The following BCAS3 variants were observed in gnomAD, a reference collection of about 807,000 sequenced individuals.
The protein encoded by BCAS3 is BCAS4/BCAS3 fusion.
In BCAS3, 53 loss-of-function variants were observed where a neutral mutation model predicts 116.1. The ratio of observed to expected loss-of-function variants is 0.46; its 90% CI spans 0.37 to 0.57. BCAS3 has a LOEUF of 0.57. Among genes scored for constraint, BCAS3 ranks in the 20% least tolerant of loss-of-function variants. The pLI is 0.00. For missense variants in BCAS3, 917 were observed against 1,165.4 expected (o/e 0.79, Z 3.10); for synonymous variants, 391 against 408.2 (o/e 0.96, Z 0.51).
In BCAS3 at chr17:61,244,055, G is replaced by A. The variant is rs537476641; in HGVS notation, c.2426-124272G>A. On this transcript the variant is annotated intron_variant, in intron 22 of 23. Coordinates refer to ENST00000407086, the MANE Select transcript of BCAS3 (RefSeq NM_017679.5). This position sits in a 1 kb window ranked among gnomAD's most constrained non-coding sequence, Gnocchi z 4.9. The stretch of plus-strand genomic sequence containing the variant: ...ATTCTCCCTGTCTCAGCCTCCCAAA[G>A]GGATGAGTTTTAATATGCTAATTAC... 3.3e-5 allele frequency among the ~76,000 whole-genome samples: 5 copies of A among 151,988 alleles called. No individual in the cohort carries two copies. Among genetic ancestry groups the A allele is most frequent in the Non-Finnish European group, 7.4e-5 (5 of 68,012 alleles).
intron 11 of BCAS3, among the ~76,000 whole-genome samples, chr17:60,909,733 A>G (rs909449490): frequency 6.6e-6 from 1 of 152,156 alleles, no homozygotes; most frequent in Non-Finnish European, 1.5e-5. Context: ...TGTTTCTATT[A>G]ATGCATATGA....
At position 61,298,685 on chromosome 17, in the gene BCAS3, C is replaced by G. The variant is rs73328877; in HGVS notation, c.2426-69642C>G. Among the ~76,000 whole-genome samples, 1,096 of 152,286 alleles carry G rather than the reference C, an allele frequency of 7.2e-3. 16 individuals carry two copies. Among genetic ancestry groups the G allele is most frequent in the African/African-American group, 0.025 (1,030 of 41,564 alleles). On this transcript the variant is annotated intron_variant, in intron 22 of 23. Transcript: ENST00000407086. ...AGCCCCCAAAGGGGACGTCCCACAC[C>G]CTGCATCCTCCACCTTTTCAGTCAT...
intron 22 of BCAS3, among the ~76,000 whole-genome samples, chr17:61,329,251 C>G (rs975899258): frequency 6.6e-6 from 1 of 151,902 alleles, no homozygotes; most frequent in Non-Finnish European, 1.5e-5. Flanking sequence ...CCAAATGTGC[C>G]CCACCGCCAA....
intron 12 of BCAS3, among the ~76,000 whole-genome samples, chr17:60,922,240 C>A (rs1440580512): frequency 6.6e-6 from 1 of 152,102 alleles, no homozygotes; most frequent in African/African-American, 2.4e-5. Flanking sequence ...AATTCTCCTG[C>A]CTCAGCCTCC....
At position 61,095,471 on chromosome 17, in the gene BCAS3, CGTTT is replaced by C. The variant is rs1013418770; in HGVS notation, c.2425+10916_2425+10919del. 9.9e-5 allele frequency among the ~76,000 whole-genome samples: 15 copies of C among 151,394 alleles called. No individual in the cohort carries two copies. The highest frequency in any genetic ancestry group is 1.6e-4 in the Non-Finnish European group (11 of 67,804). On this transcript the variant is annotated intron_variant, in intron 22 of 23. Coordinates refer to ENST00000407086, the MANE Select transcript of BCAS3 (RefSeq NM_017679.5). This position sits in a 1 kb window ranked among gnomAD's most constrained non-coding sequence, Gnocchi z 4.7. Reference sequence around the variant, plus strand: ...GTCCTGGGTTTTTTGTTGTTGTTGTCGTTTGTTTGTTTTTTTGAGACAACCTCAC... The same window carrying C: ...GTCCTGGGTTTTTTGTTGTTGTTGTCGTTTGTTTTTTTGAGACAACCTCAC...
intron 22 of BCAS3, among the ~76,000 whole-genome samples, chr17:61,191,415 A>G (rs2144227100): frequency 6.6e-6 from 1 of 152,252 alleles, no homozygotes; most frequent in East Asian, 1.9e-4. Context: ...ATAACTTTAC[A>G]AAACAAGAAA....
In BCAS3 at chr17:61,051,406, A is replaced by G. The variant is rs1027811747; in HGVS notation, c.2029+10514A>G. On this transcript the variant is annotated intron_variant, in intron 19 of 23. Coordinates refer to ENST00000407086, the MANE Select transcript of BCAS3 (RefSeq NM_017679.5). The surrounding 1 kb of genome is among the most constrained non-coding windows in gnomAD (Gnocchi z 4.1). The stretch of plus-strand genomic sequence containing the variant: ...GAGGTTACACCAATTTACACATGTG[A>G]TAAAATTGAATAGACCCTCACACAC... Among the ~76,000 whole-genome samples the G allele has an allele frequency of 3.3e-5, 5 of 149,700 alleles. No homozygotes were observed. Among genetic ancestry groups the G allele is most frequent in the Admixed American group, 6.6e-5 (1 of 15,098 alleles).
rs926269377 is a variant in BCAS3, at chr17:61,073,431, G to C, written c.2030-1489G>C. Among the ~76,000 whole-genome samples the C allele has an allele frequency of 1.3e-5, 2 of 152,096 alleles. No homozygotes were observed. The highest frequency in any genetic ancestry group is 2.9e-5 in the Non-Finnish European group (2 of 68,022). On this transcript the variant is annotated intron_variant, in intron 19 of 23. Transcript: ENST00000407086. This position sits in a 1 kb window ranked among gnomAD's most constrained non-coding sequence, Gnocchi z 4.6. Reference sequence around the variant, plus strand: ...AAAATCTTGCCCTAGGTTATGCTTTGTCTACTTTATTTGTATCTGTTTCAC... The same window carrying C: ...AAAATCTTGCCCTAGGTTATGCTTTCTCTACTTTATTTGTATCTGTTTCAC...
chr17:60,764,951 T>C (rs1473675056), intron 6 of BCAS3, among the ~76,000 whole-genome samples: 1 of 127,242 alleles, frequency 7.9e-6, no homozygotes, highest in Non-Finnish European at 1.5e-5. Flanking sequence ...CATTAAGTAA[T>C]GGCCTTGTCT....
At chr17:60,701,661 A>C (rs2036407061) in intron 4 of BCAS3, among the ~76,000 whole-genome samples, 1 of 152,224 alleles carries the variant, frequency 6.6e-6, no homozygotes, top group East Asian at 1.9e-4. Flanking sequence ...ATTTACTATA[A>C]AATATACACA....
At chr17:60,868,728 C>A in intron 8 of BCAS3, 45 bp downstream of exon 8, 1 of 1,213,762 alleles carries the variant, frequency 8.2e-7, no homozygotes, top group Non-Finnish European at 1.2e-6. Flanking sequence ...AAGAAACATG[C>A]TCTCCTGGGC....
At position 61,007,169 on chromosome 17, in the gene BCAS3, A is replaced by AGCTAG. The variant is rs2145499206; in HGVS notation, c.1487-8581_1487-8577dup. 6.6e-6 allele frequency among the ~76,000 whole-genome samples: 1 copy of AGCTAG among 152,146 alleles called. No homozygotes were observed. Among genetic ancestry groups the AGCTAG allele is most frequent in the Admixed American group, 6.6e-5 (1 of 15,256 alleles). The stretch of plus-strand genomic sequence containing the variant: ...TTTATATTTCAGTAGAATTCCTCAC[A>AGCTAG]GCTAGTTCTATTATTTTTCCCTTTG... On this transcript the variant is annotated intron_variant, in intron 15 of 23. Transcript: ENST00000407086. This position sits in a 1 kb window ranked among gnomAD's most constrained non-coding sequence, Gnocchi z 4.3.
chr17:60,835,667 A>G (rs965134609), intron 7 of BCAS3, among the ~76,000 whole-genome samples: 2 of 152,112 alleles, frequency 1.3e-5, no homozygotes, highest in Non-Finnish European at 2.9e-5. Flanking sequence ...TAAAAGAAAG[A>G]AAGAGAGGCT....
chr17:60,721,728 G>A (rs2039258107), intron 5 of BCAS3, among the ~76,000 whole-genome samples: 2 of 151,924 alleles, frequency 1.3e-5, no homozygotes, highest in African/African-American at 2.4e-5. Flanking sequence ...ACAGTAAAAT[G>A]CACAAATCTG....
rs958990057 is a variant in BCAS3, at chr17:61,189,730, G to C, written c.2425+105166G>C. ...GGGGAAGAGTTTAATATAAATCCCA[G>C]GTTTCTGTCTATGCTAATTAAGTGG... On this transcript the variant is annotated intron_variant, in intron 22 of 23. Coordinates refer to ENST00000407086, the MANE Select transcript of BCAS3 (RefSeq NM_017679.5). The surrounding 1 kb of genome is among the most constrained non-coding windows in gnomAD (Gnocchi z 4.5). Among the ~76,000 whole-genome samples, 13 of 152,176 alleles carry C rather than the reference G, an allele frequency of 8.5e-5. No individual in the cohort carries two copies. The highest frequency in any genetic ancestry group is 3.1e-4 in the African/African-American group (13 of 41,450).
At chr17:61,270,112 ATTT>A (rs1202865412) in intron 22 of BCAS3, among the ~76,000 whole-genome samples, 3,781 of 68,412 alleles carry the variant, frequency 0.055, 36 homozygotes, top group African/African-American at 0.077. Context: ...GCCTTCTGCC[ATTT>A]TTTTTTTTTT....
intron 14 of BCAS3, among the ~76,000 whole-genome samples, chr17:60,966,256 T>C (rs1166024444): frequency 6.6e-6 from 1 of 152,250 alleles, no homozygotes; most frequent in Non-Finnish European, 1.5e-5. Context: ...AGCATGTAAC[T>C]TGGTCTTGTT....
chr17:60,899,296 C>A (rs911249652), intron 10 of BCAS3, among the ~76,000 whole-genome samples: 5 of 152,104 alleles, frequency 3.3e-5, no homozygotes, highest in African/African-American at 1.2e-4. Flanking sequence ...ACCTGTCTCA[C>A]CCCCATCCCT....
At chr17:60,841,626 C>T (rs185095761) in intron 7 of BCAS3, among the ~76,000 whole-genome samples, 29 of 150,808 alleles carry the variant, frequency 1.9e-4, no homozygotes, top group Admixed American at 4.6e-4. Context: ...GTGATCCGCC[C>T]GCCTCGGCCT....
Sources: allele counts gnomAD v4.1 joint callset (sites outside exome capture counted in the v4.1 genomes callset), GRCh38; gene constraint gnomAD v4.1.1; non-coding constraint Gnocchi (gnomAD v3.1); transcripts MANE v1.5; gene names NCBI Gene and HGNC (gene_info 2026-07-23, HGNC 2026-07-21).